NAV3: variants seen among roughly 807,000 people sequenced by gnomAD.
The protein encoded by NAV3 is pore membrane and/or filament interacting like protein 1.
Under a neutral mutation model 244.7 loss-of-function variants are expected in NAV3, and 87 were observed. The observed-to-expected ratio is 0.36, with a 90% CI of 0.30 to 0.42. The LOEUF is 0.42. Among genes scored for constraint, NAV3 ranks in the 20% least tolerant of loss-of-function variants. The pLI, the probability that NAV3 is intolerant of heterozygous loss-of-function variation, is 1.00. For missense variants in NAV3, 2,663 were observed against 2,893.3 expected, an observed-to-expected ratio of 0.92 and a Z score of 1.83; for synonymous variants, 1,126 against 1,042.2, an observed-to-expected ratio of 1.08 and a Z score of -1.55.
At chr12:78,084,517 T>G (rs1953524718) in intron 12 of NAV3, among the ~76,000 whole-genome samples, 1 of 152,112 alleles carries the variant, frequency 6.6e-6, no homozygotes, top group Admixed American at 6.6e-5. Flanking sequence ...TCTCTTTCAC[T>G]ATAAACAAAG....
At chr12:78,128,284 A>T (rs1308215030) in intron 17 of NAV3, among the ~76,000 whole-genome samples, 1 of 148,688 alleles carries the variant, frequency 6.7e-6, no homozygotes. Context: ...AAAAAAAAAC[A>T]AAAGCTGCCA....
chr12:77,933,848 G>A (rs1889065680), intron 1 of NAV3, among the ~76,000 whole-genome samples: 1 of 152,164 alleles, frequency 6.6e-6, no homozygotes, highest in Admixed American at 6.5e-5. Context: ...TCTAAAAATA[G>A]TATGTATTGT....
chr12:77,766,735 G>GTTTGTTTTTTTTTTTTTTTTTTT lies in NAV3; in HGVS notation c.73-173581_73-173580insGTTTTTTTTTTTTTTTTTTTTTT, dbSNP rs1555202961. Among the ~76,000 whole-genome samples the GTTTGTTTTTTTTTTTTTTTTTTT allele has an allele frequency of 8.3e-4, 50 of 60,514 alleles. 12 individuals carry two copies. The highest frequency in any genetic ancestry group is 1.7e-3 in the South Asian group (2 of 1,190). The allele number at this position is 60,514 out of a possible 152,430, so 39.7% of individuals were successfully genotyped here. A position where few individuals can be genotyped will look rare whatever the true frequency, so the allele number is the denominator to read the frequency against. ...AGGATTCTAAAAAACAGGCAATTAA[G>GTTTGTTTTTTTTTTTTTTTTTTT]TTTTTTTTTTTTTTTTTTTTTTTTT... is the stretch of plus-strand genomic sequence containing the variant. On this transcript the variant is annotated intron_variant, in intron 2 of 8. Transcript: ENST00000550042.
intron 1 of NAV3, among the ~76,000 whole-genome samples, chr12:77,838,171 T>A (rs956560034): frequency 6.6e-6 from 1 of 152,258 alleles, no homozygotes; most frequent in East Asian, 1.9e-4. Flanking sequence ...GTTATAACTC[T>A]CCAGGTTTCA....
intron 2 of NAV3, among the ~76,000 whole-genome samples, chr12:77,607,075 A>G (rs1192826548): frequency 6.6e-6 from 1 of 152,134 alleles, no homozygotes; most frequent in Non-Finnish European, 1.5e-5. Flanking sequence ...AATAAAGTGT[A>G]TGTATAGAAA....
At chr12:78,003,999 G>T (rs1566007579) in intron 7 of NAV3, among the ~76,000 whole-genome samples, 1 of 152,216 alleles carries the variant, frequency 6.6e-6, no homozygotes, top group African/African-American at 2.4e-5. Context: ...AATGTGGCTT[G>T]CTGGAGAGCC....
chr12:77,999,375 G>A (rs1872859159), intron 7 of NAV3, among the ~76,000 whole-genome samples: 1 of 152,224 alleles, frequency 6.6e-6, no homozygotes, highest in South Asian at 2.1e-4. Context: ...CAAATGTTTA[G>A]TTAGTAGAAC....
At chr12:77,900,710 G>A (rs1251269440) in intron 1 of NAV3, among the ~76,000 whole-genome samples, 1 of 152,098 alleles carries the variant, frequency 6.6e-6, no homozygotes, top group Non-Finnish European at 1.5e-5. Flanking sequence ...AATAATTTAT[G>A]TTCCTTTGGT....
intron 5 of NAV3, among the ~76,000 whole-genome samples, chr12:77,984,753 G>T (rs1870178430): frequency 6.6e-6 from 1 of 152,024 alleles, no homozygotes; most frequent in African/African-American, 2.4e-5. Context: ...CTTCACATCT[G>T]CAAAATGCTT....
At chr12:77,953,731 C>A (rs1891110961) in intron 3 of NAV3, among the ~76,000 whole-genome samples, 1 of 152,070 alleles carries the variant, frequency 6.6e-6, no homozygotes, top group Admixed American at 6.6e-5. Context: ...TCCTCTCTGC[C>A]CCCAGCACTA....
intron 2 of NAV3, among the ~76,000 whole-genome samples, chr12:77,680,970 G>A (rs1410344509): frequency 1.3e-5 from 2 of 152,174 alleles, no homozygotes; most frequent in African/African-American, 2.4e-5. Context: ...GATGAGATCC[G>A]ATTTTGGGGG....
chr12:77,828,662 G>T (rs1430385543), upstream of NAV3, among the ~76,000 whole-genome samples: 1 of 152,062 alleles, frequency 6.6e-6, no homozygotes, highest in Non-Finnish European at 1.5e-5. Context: ...TTTATAGTAA[G>T]TTAGTTTGGT....
intron 3 of NAV3, among the ~76,000 whole-genome samples, chr12:77,957,593 TCAATAAAGAGC>T (rs1891483740): frequency 6.6e-6 from 1 of 152,200 alleles, no homozygotes; most frequent in African/African-American, 2.4e-5. Context: ...ATGTATGAGT[TCAATAAAGAGC>T]TATGCTAATT....
At chr12:77,896,019 T>C (rs945963226) in intron 1 of NAV3, among the ~76,000 whole-genome samples, 12 of 150,738 alleles carry the variant, frequency 8.0e-5, no homozygotes, top group African/African-American at 2.9e-4. Flanking sequence ...AGTGAAAATC[T>C]TTTACAAAAA....
intron 34 of NAV3, among the ~76,000 whole-genome samples, chr12:78,193,927 T>C (rs930337029): frequency 2.0e-5 from 3 of 152,106 alleles, no homozygotes; most frequent in Admixed American, 6.6e-5. Context: ...CTGACATTCA[T>C]GTTATCATTT....
chr12:77,756,781 C>T (rs1869203487), intron 2 of NAV3, among the ~76,000 whole-genome samples: 1 of 152,064 alleles, frequency 6.6e-6, no homozygotes, highest in Non-Finnish European at 1.5e-5. Flanking sequence ...TCCATATCCA[C>T]CTATATTTAG....
At chr12:78,148,787 G>C in intron 21 of NAV3, 55 bp from the exon 22 acceptor site, 1 of 1,500,966 alleles carries the variant, frequency 6.7e-7, no homozygotes, top group Non-Finnish European at 9.2e-7. Flanking sequence ...TTGAATTCTG[G>C]GTTTTAAGTA....
chr12:78,010,354 T>C (rs962815184), intron 8 of NAV3, among the ~76,000 whole-genome samples: 1 of 152,186 alleles, frequency 6.6e-6, no homozygotes, highest in Non-Finnish European at 1.5e-5. Context: ...AATCATTTGA[T>C]GAGATAAGAC....
chr12:77,765,217 G>C lies in NAV3; in HGVS notation c.73-175102G>C, dbSNP rs962898111. Reference sequence around the variant, plus strand: ...TGCTCCAAGATTCTCTGATCTCTTTGAGACCCTTTTGCCAGCCACTTTGGC... The same window carrying C: ...TGCTCCAAGATTCTCTGATCTCTTTCAGACCCTTTTGCCAGCCACTTTGGC... On this transcript the variant is annotated intron_variant, in intron 2 of 8. Coordinates refer to the NAV3 transcript ENST00000550042. Among the ~76,000 whole-genome samples the C allele has an allele frequency of 5.3e-5, 8 of 152,144 alleles. 1 individual carries two copies. Among genetic ancestry groups the C allele is most frequent in the African/African-American group, 1.7e-4 (7 of 41,418 alleles).
Sources: gnomAD v4.1 joint callset for allele counts (sites outside exome capture counted in the v4.1 genomes callset) on GRCh38, gnomAD v4.1.1 for gene constraint, MANE v1.5 for transcripts, NCBI Gene and HGNC (gene_info 2026-07-23, HGNC 2026-07-21) for gene names.